TPTE2: variants seen among roughly 807,000 people sequenced by gnomAD.
TPTE2 encodes transmembrane phosphoinositide 3-phosphatase and tensin homolog 2, also known as phosphatidylinositol 3,4,5-trisphosphate 3-phosphatase TPTE2.
TPTE2 carries 53 observed loss-of-function variants against 78.6 expected under a neutral mutation model. That is an observed-to-expected ratio of 0.67 (90% CI 0.54 to 0.85). The LOEUF (loss-of-function observed/expected upper bound fraction) is 0.85. Ranked by LOEUF, TPTE2 falls within the 40% of genes least tolerant of loss-of-function variation. The pLI, the probability that TPTE2 is intolerant of heterozygous loss-of-function variation, is 0.00. For synonymous variants in TPTE2, 175 were observed against 206.2 expected, an observed-to-expected ratio of 0.85 and a Z score of 1.30; for missense variants, 461 against 623.0, an observed-to-expected ratio of 0.74 and a Z score of 2.77.
At chr13:19,508,455 T>A (rs1869216017) in intron 1 of TPTE2, among the ~76,000 whole-genome samples, 1 of 151,888 alleles carries the variant, frequency 6.6e-6, no homozygotes, top group Non-Finnish European at 1.5e-5. Flanking sequence ...TGTTGAAACA[T>A]GAAATGAGAA....
intron 10 of TPTE2, among the ~76,000 whole-genome samples, chr13:19,462,993 T>A (rs2137559507): frequency 6.6e-6 from 1 of 151,836 alleles, no homozygotes; most frequent in East Asian, 1.9e-4. Flanking sequence ...TGATTGTATT[T>A]TTTTTTTTCA....
At chr13:19,481,709 A>C (rs1440793730) in intron 4 of TPTE2, among the ~76,000 whole-genome samples, 4 of 152,206 alleles carry the variant, frequency 2.6e-5, no homozygotes, top group Non-Finnish European at 5.9e-5. Flanking sequence ...GCAGACACAC[A>C]GTTTAATTCA....
At chr13:19,513,013 TAAC>T (rs1281366567) in intron 1 of TPTE2, among the ~76,000 whole-genome samples, 1 of 152,232 alleles carries the variant, frequency 6.6e-6, no homozygotes, top group African/African-American at 2.4e-5. Flanking sequence ...AAGGGAATAG[TAAC>T]AACAGCAGCA....
upstream of TPTE2, among the ~76,000 whole-genome samples, chr13:19,537,762 C>G (rs1871294084): frequency 6.6e-6 from 1 of 151,146 alleles, no homozygotes; most frequent in Non-Finnish European, 1.5e-5. Flanking sequence ...ACGACCATGC[C>G]CAGCTAGGTT....
chr13:19,529,901 G>A (rs1477691732), intron 1 of TPTE2, among the ~76,000 whole-genome samples: 1 of 151,876 alleles, frequency 6.6e-6, no homozygotes, highest in Non-Finnish European at 1.5e-5. Context: ...TTTAATTTTT[G>A]CCCCCTCAAT....
chr13:19,491,850 A>C (rs1881008861), intron 3 of TPTE2, among the ~76,000 whole-genome samples: 1 of 152,082 alleles, frequency 6.6e-6, no homozygotes, highest in Non-Finnish European at 1.5e-5. Flanking sequence ...ATAGAAATAC[A>C]TTTTAATTTG....
At chr13:19,536,330 T>C (rs1379525123) in intron 1 of TPTE2, among the ~76,000 whole-genome samples, 2 of 152,170 alleles carry the variant, frequency 1.3e-5, no homozygotes, top group Non-Finnish European at 2.9e-5. Context: ...TAACATATAC[T>C]ATAATTATAA....
chr13:19,434,447 G>A (rs1056640077), intron 15 of TPTE2, among the ~76,000 whole-genome samples: 5 of 152,218 alleles, frequency 3.3e-5, no homozygotes, highest in African/African-American at 7.2e-5. Context: ...TGGCTCTTGA[G>A]TGCCAGGTTG....
At chr13:19,514,592 A>AGAGTGTGTGT (rs542178212) in intron 1 of TPTE2, among the ~76,000 whole-genome samples, 58 of 126,708 alleles carry the variant, frequency 4.6e-4, no homozygotes, top group African/African-American at 7.6e-4. Flanking sequence ...TACTTCTGAG[A>AGAGTGTGTGT]GTGTGTGTGT....
chr13:19,521,965 A>G (rs1050164891), intron 1 of TPTE2, among the ~76,000 whole-genome samples: 3 of 152,100 alleles, frequency 2.0e-5, no homozygotes, highest in Admixed American at 6.6e-5. Flanking sequence ...CTTTCCTTTC[A>G]GTCTAAATGA....
the TPTE2 span, chr13:19,561,402 GC>G: frequency 9.0e-6 from 4 of 445,572 alleles, no homozygotes; most frequent in African/African-American, 2.0e-5. Flanking sequence ...ACCTCCCGGG[GC>G]GCCGCGCCCC....
At chr13:19,454,583 G>A (rs1383861357) in intron 10 of TPTE2, among the ~76,000 whole-genome samples, 1 of 152,000 alleles carries the variant, frequency 6.6e-6, no homozygotes, top group African/African-American at 2.4e-5. Flanking sequence ...TATGATTTGT[G>A]GAATTTATTA....
At chr13:19,450,285 C>T (rs767576222) in exon 12 of TPTE2, 1 of 1,611,258 alleles carries the variant, frequency 6.2e-7, no homozygotes, top group Non-Finnish European at 8.5e-7. Flanking sequence ...ACATTATGAT[C>T]ATCAATCATG....
At chr13:19,476,125 A>T (rs1342203473) in intron 4 of TPTE2, among the ~76,000 whole-genome samples, 4 of 152,190 alleles carry the variant, frequency 2.6e-5, no homozygotes, top group African/African-American at 9.7e-5. Context: ...CATGAGCAAG[A>T]GTCACATATG....
chr13:19,560,444 G>T, the TPTE2 span: 1 of 1,608,414 alleles, frequency 6.2e-7, no homozygotes, highest in Non-Finnish European at 8.5e-7. Flanking sequence ...AACTCATCCT[G>T]CAGTGGCAGT....
upstream of TPTE2, among the ~76,000 whole-genome samples, chr13:19,540,934 G>C (rs573078965): frequency 1.3e-5 from 2 of 152,222 alleles, no homozygotes; most frequent in East Asian, 3.9e-4. Flanking sequence ...CTCACACTTA[G>C]TGGCTTAAAA....
Position 19,493,439 on chromosome 13 carries a change from A to G in TPTE2, c.65+9T>C. ...GACGGGTGACTTTATTTAACTATTT[A>G]TTACTTACCTTTCTTTCGCAGGTGC... On this transcript the variant is annotated intron_variant, in intron 2 of 19. Transcript: ENST00000400230. The G allele has an allele frequency of 6.2e-7, 1 of 1,613,550 alleles. No homozygotes were observed. Among genetic ancestry groups the G allele is most frequent in the Non-Finnish European group, 8.5e-7 (1 of 1,179,676 alleles).
chr13:19,491,349 G>A (rs1306117606), intron 3 of TPTE2, among the ~76,000 whole-genome samples: 2 of 151,946 alleles, frequency 1.3e-5, no homozygotes, highest in African/African-American at 4.8e-5. Flanking sequence ...TACATTTTTT[G>A]CACCAAAAGG....
chr13:19,509,506 G>A (rs898050563), intron 1 of TPTE2, among the ~76,000 whole-genome samples: 1 of 152,016 alleles, frequency 6.6e-6, no homozygotes, highest in Non-Finnish European at 1.5e-5. Flanking sequence ...GTGAAAACTT[G>A]GATGGAATGG....
Sources: gnomAD v4.1 joint callset for allele counts (sites outside exome capture counted in the v4.1 genomes callset) on GRCh38, gnomAD v4.1.1 for gene constraint, MANE v1.5 for transcripts, NCBI Gene and HGNC (gene_info 2026-07-23, HGNC 2026-07-21) for gene names.